Variants in MFAP3L observed in about 807,000 individuals in gnomAD.
MFAP3L encodes microfibril associated protein 3 like, also known as microfibrillar-associated protein 3-like.
A neutral mutation model predicts 20.0 loss-of-function variants in MFAP3L; 5 were observed. That is an observed-to-expected ratio of 0.25 (90% CI 0.13 to 0.53). The LOEUF is 0.53. MFAP3L is among the 20% of genes least tolerant of loss of function. The pLI is 0.96. For missense variants in MFAP3L, 409 were observed against 527.5 expected, an observed-to-expected ratio of 0.78 and a Z score of 2.20; for synonymous variants, 219 against 213.0, an observed-to-expected ratio of 1.03 and a Z score of -0.25.
intron 2 of MFAP3L, among the ~76,000 whole-genome samples, chr4:169,995,649 G>A (rs1390507024): frequency 6.6e-6 from 1 of 152,106 alleles, no homozygotes; most frequent in Non-Finnish European, 1.5e-5. Context: ...ATTCTAGAAG[G>A]GTCCCGACTT....
chr4:169,994,469 A>G, intron 2 of MFAP3L: 1 of 981,064 alleles, frequency 1.0e-6, no homozygotes, highest in African/African-American at 1.7e-5. Context: ...TCTAATTGTT[A>G]TAGAAAAATA....
intron 1 of MFAP3L, among the ~76,000 whole-genome samples, chr4:170,022,930 TG>T (rs1279323630): frequency 1.3e-5 from 2 of 152,210 alleles, no homozygotes; most frequent in African/African-American, 4.8e-5. Context: ...TGGGCCCACC[TG>T]TATAATCCTG....
rs1737918706 is a variant in MFAP3L, at chr4:169,993,704, G to C, written c.299-1395C>G. 3 of 152,090 alleles carry C rather than the reference G, an allele frequency of 2.0e-5. No individual in the cohort carries two copies. In the South Asian group the frequency reaches 6.3e-4, roughly 32 times the overall value. 9.4% of individuals were successfully genotyped at this position (152,090 alleles called of 1,614,324 possible). A position where few individuals can be genotyped will look rare whatever the true frequency, so the allele number is the denominator to read the frequency against. ...CCACTGGCCAGGGGGAATCTGGCGG[G>C]AGCCTCTCGGTGGATGCTGTCACAT... On this transcript the variant is annotated intron_variant, in intron 2 of 2. Transcript: ENST00000361618.
chr4:169,995,520 C>A (rs959815513), intron 2 of MFAP3L, among the ~76,000 whole-genome samples: 2 of 152,198 alleles, frequency 1.3e-5, no homozygotes, highest in Non-Finnish European at 2.9e-5. Flanking sequence ...GCTTTGGGCT[C>A]ATGCTCAAGA....
rs966570770 is a variant in MFAP3L, at chr4:169,992,922, T to A, written c.299-613A>T. The stretch of plus-strand genomic sequence containing the variant: ...CATTTTGAGACTCCACAGTGAATTA[T>A]CTATACTATTTAAAGTTACAAGCTA... On this transcript the variant is annotated intron_variant, in intron 2 of 2. Transcript: ENST00000361618. This position sits in a 1 kb window ranked among gnomAD's most constrained non-coding sequence, Gnocchi z 4.3. Among the ~76,000 whole-genome samples the A allele has an allele frequency of 2.0e-5, 3 of 152,228 alleles. No homozygotes were observed. The highest frequency in any genetic ancestry group is 4.4e-5 in the Non-Finnish European group (3 of 68,038).
At chr4:170,017,433 G>C (rs911100619) in intron 1 of MFAP3L, among the ~76,000 whole-genome samples, 4 of 152,078 alleles carry the variant, frequency 2.6e-5, no homozygotes, top group African/African-American at 9.7e-5. Context: ...TCTCATCAGA[G>C]CCTCAGCACC....
At chr4:170,000,871 T>C (rs1174280158) in intron 2 of MFAP3L, among the ~76,000 whole-genome samples, 2 of 151,922 alleles carry the variant, frequency 1.3e-5, no homozygotes, top group African/African-American at 4.8e-5. Flanking sequence ...TACAGGTATG[T>C]GCCACCAAGC....
intron 2 of MFAP3L, chr4:169,994,290 T>TA: frequency 1.0e-6 from 1 of 985,382 alleles, no homozygotes; most frequent in Non-Finnish European, 1.2e-6. Flanking sequence ...TCAGTTTGTT[T>TA]ACCTCCTCCC....
intron 2 of MFAP3L, among the ~76,000 whole-genome samples, chr4:169,997,505 C>T (rs1738264525): frequency 6.6e-6 from 1 of 152,118 alleles, no homozygotes; most frequent in Admixed American, 6.5e-5. Context: ...TGGGAAAAGG[C>T]TATGAACAGA....
intron 2 of MFAP3L, chr4:169,995,053 A>T (rs985353396): frequency 2.4e-4 from 36 of 152,348 alleles, no homozygotes; most frequent in African/African-American, 8.7e-4. Context: ...AATGGAAGAC[A>T]AGGATACCAA....
At position 169,989,721 on chromosome 4, in the gene MFAP3L, C is replaced by T. The variant is rs1242674625; in HGVS notation, c.*1657G>A. ...CCAATGTGATCCATGCAATCTTGGA[C>T]ATCATAACCCCATTACCTGATGTGG... On this transcript the variant is annotated 3_prime_UTR_variant, in exon 3 of 3. Transcript: ENST00000361618. The T allele has an allele frequency of 6.6e-6, 1 of 152,186 alleles. No homozygotes were observed. The highest frequency in any genetic ancestry group is 1.5e-5 in the Non-Finnish European group (1 of 68,020). The allele number at this position is 152,186 out of a possible 1,614,324, so 9.4% of individuals were successfully genotyped here.
intron 2 of MFAP3L, among the ~76,000 whole-genome samples, chr4:170,001,285 A>G (rs1461310629): frequency 6.6e-6 from 1 of 152,210 alleles, no homozygotes; most frequent in Non-Finnish European, 1.5e-5. Flanking sequence ...GCAAAAGTAG[A>G]GGGATAAAAA....
upstream of MFAP3L, among the ~76,000 whole-genome samples, chr4:170,026,619 C>T (rs1252101943): frequency 6.6e-6 from 1 of 152,016 alleles, no homozygotes; most frequent in African/African-American, 2.4e-5. Context: ...GGGAGTCCCG[C>T]ATTCAGTCCG....
chr4:170,014,219 G>A (rs930521588), intron 1 of MFAP3L, among the ~76,000 whole-genome samples: 2 of 152,192 alleles, frequency 1.3e-5, no homozygotes, highest in Admixed American at 1.3e-4. Flanking sequence ...CTCATTTGGA[G>A]TATGCATGTA....
chr4:170,020,728 C>A (rs895187639), intron 1 of MFAP3L, among the ~76,000 whole-genome samples: 6 of 151,466 alleles, frequency 4.0e-5, no homozygotes, highest in Non-Finnish European at 5.9e-5. Context: ...TAGTTCCCCA[C>A]GGCACCACCT....
At chr4:169,994,318 G>C (rs1278122817) in intron 2 of MFAP3L, 1 of 985,224 alleles carries the variant, frequency 1.0e-6, no homozygotes, top group East Asian at 1.1e-4. Flanking sequence ...ACCACTTTTT[G>C]GAACAGTTAT....
intron 1 of MFAP3L, among the ~76,000 whole-genome samples, chr4:170,022,106 CAA>C (rs528809082): frequency 7.6e-4 from 116 of 152,318 alleles, no homozygotes; most frequent in Middle Eastern, 3.4e-3. Flanking sequence ...TGAGCAGAAA[CAA>C]AGTGAAATGT....
chr4:169,995,290 G>T (rs982570803), intron 2 of MFAP3L, among the ~76,000 whole-genome samples: 2 of 152,146 alleles, frequency 1.3e-5, no homozygotes, highest in East Asian at 3.9e-4. Context: ...CTAAGGTCCC[G>T]TAGCCTCCAA....
Position 170,005,846 on chromosome 4 carries a change from C to T in MFAP3L, c.32G>A (p.Cys11Tyr), listed in dbSNP as rs768342093. The part of the protein sequence containing the change: MDRLKSHLTV[C>Y]FLPSVPFLIL... Reference sequence around the variant, plus strand: ...TAAAAAGGGCACAGAAGGTAGAAAGCACACAGTCAGATGGCTCTTCAATCG... The same window carrying T: ...TAAAAAGGGCACAGAAGGTAGAAAGTACACAGTCAGATGGCTCTTCAATCG... Residue 11 changes from cysteine (C) to tyrosine (Y), a missense_variant, in exon 2 of 3, where the codon TGC becomes TAC. By Grantham distance (194) the Cys-to-Tyr change is radical. Coordinates refer to ENST00000361618, the MANE Select transcript of MFAP3L (RefSeq NM_021647.8). The T allele has an allele frequency of 2.5e-6, 4 of 1,614,082 alleles. No homozygotes were observed. In the South Asian group the frequency reaches 3.3e-5, roughly 13 times the overall value.
Sources: gnomAD v4.1 joint callset for allele counts (sites outside exome capture counted in the v4.1 genomes callset) on GRCh38, gnomAD v4.1.1 for gene constraint, Gnocchi (gnomAD v3.1) non-coding constraint, MANE v1.5 for transcripts, NCBI Gene and HGNC (gene_info 2026-07-23, HGNC 2026-07-21) for gene names.